The following RDH14 variants were observed in gnomAD, a reference collection of about 807,000 sequenced individuals.
The protein encoded by RDH14 is alcohol dehydrogenase PAN2.
RDH14 carries 17 observed loss-of-function variants against 19.3 expected under a neutral mutation model. The observed-to-expected ratio is 0.88, with a 90% confidence interval of 0.60 to 1.32. The LOEUF (loss-of-function observed/expected upper bound fraction) is 1.32, where lower values mean the gene tolerates loss of function less well. Ranked by LOEUF, RDH14 falls within the 40% of genes most tolerant of loss-of-function variation. The probability of loss-of-function intolerance (pLI) is 0.00; values close to 1 mark genes in which losing one functional copy is unlikely to be tolerated. For synonymous variants in RDH14, 215 were observed against 188.9 expected, an observed-to-expected ratio of 1.14 and a Z score of -1.13; for missense variants, 534 against 449.2, an observed-to-expected ratio of 1.19 and a Z score of -1.71.
chr2:18,560,493 G>T lies in RDH14; in HGVS notation c.80C>A (p.Pro27His), dbSNP rs527352838. The T allele has an allele frequency of 2.0e-6, 3 of 1,514,640 alleles. No homozygotes were observed. Among genetic ancestry groups the T allele is most frequent in the Non-Finnish European group, 2.6e-6 (3 of 1,139,452 alleles). 93.8% of individuals were successfully genotyped at this position (1,514,640 alleles called of 1,614,324 possible). The stretch of plus-strand genomic sequence containing the variant: ...GCCTCTGCGCAGCCGCTGGACCCTG[G>T]GCCCCACGAACCGGCGGGCCGCCAG... Reference protein sequence around the residue: ...LWLAARRFVGPRVQRLRRGGD... With the variant: ...LWLAARRFVGHRVQRLRRGGD... The change falls in exon 1 of 2, where the codon CCC becomes CAC. Residue 27 changes from proline to histidine, a missense_variant. Pro to His is a moderately conservative substitution (Grantham distance 77). Transcript: ENST00000381249.
Position 18,560,291 on chromosome 2 carries a change from G to C in RDH14, c.282C>G (p.Ala94=). The C allele has an allele frequency of 6.7e-7, 1 of 1,485,436 alleles. No individual in the cohort carries two copies. The highest frequency in any genetic ancestry group is 8.9e-7 in the Non-Finnish European group (1 of 1,126,562). 92.0% of individuals were successfully genotyped at this position (1,485,436 alleles called of 1,614,324 possible). The change falls in exon 1 of 2, where the codon GCC becomes GCG. Residue 94 remains alanine, a synonymous_variant. Coordinates refer to ENST00000381249, the MANE Select transcript of RDH14 (RefSeq NM_020905.4). ...CGCCAGGCTCTGGGCCGCACTCCGC[G>C]GCCTGGCGGAGCTCGCGGCGGAGCT... is the stretch of plus-strand genomic sequence containing the variant. ...AGQLRRELRQ[A]AECGPEPGVS... is the part of the protein sequence containing the mutation.
At chr2:18,557,593 GA>G (rs1173716425) in intron 1 of RDH14, among the ~76,000 whole-genome samples, 1 of 151,964 alleles carries the variant, frequency 6.6e-6, no homozygotes, top group East Asian at 1.9e-4. Flanking sequence ...AATTCTACGA[GA>G]TAAATGAAAT....
chr2:18,559,979 CAGTT>C (rs1256190774), intron 1 of RDH14, among the ~76,000 whole-genome samples, 197 bp downstream of exon 1: 5 of 152,164 alleles, frequency 3.3e-5, no homozygotes, highest in Non-Finnish European at 7.3e-5. Context: ...GCAGCCCTCC[CAGTT>C]AGTTTCTCTT....
chr2:18,555,172 G>C lies in RDH14; in HGVS notation c.*19C>G, dbSNP rs201282431. ...TAACTGATATGCAGTTTTATAAACAGCTCTTTTACTCCTTGTTCCTATTTT... is the reference window on the plus strand; with the variant it reads ...TAACTGATATGCAGTTTTATAAACACCTCTTTTACTCCTTGTTCCTATTTT... On this transcript the variant is annotated 3_prime_UTR_variant, in exon 2 of 2. Transcript: ENST00000381249. 1.6e-4 allele frequency: 263 copies of C among 1,606,184 alleles called. No individual in the cohort carries two copies. In the African/African-American group the frequency reaches 2.9e-3, roughly 18 times the overall value.
At position 18,560,587 on chromosome 2, in the gene RDH14, G is replaced by A. The variant is rs995284399; in HGVS notation, c.-15C>T. The A allele has an allele frequency of 3.5e-5, 49 of 1,415,886 alleles. No individual in the cohort carries two copies. The highest frequency in any genetic ancestry group is 6.4e-5 in the Admixed American group (2 of 31,182). 87.7% of individuals were successfully genotyped at this position (1,415,886 alleles called of 1,614,324 possible). A position where few individuals can be genotyped will look rare whatever the true frequency, so the allele number is the denominator to read the frequency against. Reference sequence around the variant, plus strand: ...GCCACTGCCATCGTCAGGCCCGAGGGCCCACCGGCCCCTCCACGGGAGTTC... The same window carrying A: ...GCCACTGCCATCGTCAGGCCCGAGGACCCACCGGCCCCTCCACGGGAGTTC... On this transcript the variant is annotated 5_prime_UTR_variant, in exon 1 of 2. Transcript: ENST00000381249.
rs1195551852 is a variant in RDH14 at position 18,555,786 on chromosome 2, A to C, written c.416T>G (p.Leu139Trp). 1.2e-6 allele frequency: 2 copies of C among 1,611,286 alleles called. No homozygotes were observed. The highest frequency in any genetic ancestry group is 1.3e-5 in the African/African-American group (1 of 74,886). Residue 139 changes from leucine to tryptophan, a missense_variant, in exon 2 of 2, where the codon TTG (leucine) becomes TGG (tryptophan). Transcript: ENST00000381249. Reference protein sequence around the residue: ...MLQEEPRLDVLINNAGIFQCP... With the variant: ...MLQEEPRLDVWINNAGIFQCP... ...CTGGAAGATCCCTGCGTTATTGATC[A>C]AGACATCCAGCCTAGGCTCTTCCTT...
Position 18,555,174 on chromosome 2 carries a change from T to G in RDH14, c.*17A>C. 6.2e-7 allele frequency: 1 copy of G among 1,607,392 alleles called. No individual in the cohort carries two copies. Among genetic ancestry groups the G allele is most frequent in the African/African-American group, 1.3e-5 (1 of 74,752 alleles). On this transcript the variant is annotated 3_prime_UTR_variant, in exon 2 of 2. Coordinates refer to ENST00000381249, the MANE Select transcript of RDH14 (RefSeq NM_020905.4). ...ACTGATATGCAGTTTTATAAACAGCTCTTTTACTCCTTGTTCCTATTTTAG... is the reference window on the plus strand; with the variant it reads ...ACTGATATGCAGTTTTATAAACAGCGCTTTTACTCCTTGTTCCTATTTTAG...
chr2:18,556,816 C>G (rs1663935893), intron 1 of RDH14, among the ~76,000 whole-genome samples: 1 of 152,166 alleles, frequency 6.6e-6, no homozygotes, highest in Admixed American at 6.5e-5. Context: ...ACACCAAGGG[C>G]AAACTTATGG....
At chr2:18,558,915 T>C (rs1264409974) in intron 1 of RDH14, among the ~76,000 whole-genome samples, 2 of 152,206 alleles carry the variant, frequency 1.3e-5, no homozygotes, top group Non-Finnish European at 2.9e-5. Flanking sequence ...ACCTTACATA[T>C]GTGATTGATG....
At chr2:18,559,069 T>A (rs1664004206) in intron 1 of RDH14, among the ~76,000 whole-genome samples, 1 of 152,212 alleles carries the variant, frequency 6.6e-6, no homozygotes, top group Non-Finnish European at 1.5e-5. Context: ...CTGGGAAATA[T>A]TTCTGGCCTA....
rs1663869835 is a variant in RDH14, at chr2:18,555,041, T to C, written c.*150A>G. ...TCTTATCCCAAAAATAATTTTTCAG[T>C]AACTCCAAAATACCCACATGTACCT... is the stretch of plus-strand genomic sequence containing the variant. On this transcript the variant is annotated 3_prime_UTR_variant, in exon 2 of 2. Coordinates refer to ENST00000381249, the MANE Select transcript of RDH14 (RefSeq NM_020905.4). The C allele has an allele frequency of 8.1e-7, 1 of 1,228,824 alleles. No homozygotes were observed. The allele number at this position is 1,228,824 out of a possible 1,614,324, so 76.1% of individuals were successfully genotyped here.
chr2:18,559,218 G>C (rs939493334), intron 1 of RDH14, among the ~76,000 whole-genome samples: 2 of 152,186 alleles, frequency 1.3e-5, no homozygotes, highest in South Asian at 2.1e-4. Context: ...CTGAATGCCA[G>C]TTATCCCTGC....
At chr2:18,558,657 T>G (rs1477391316) in intron 1 of RDH14, among the ~76,000 whole-genome samples, 4 of 152,246 alleles carry the variant, frequency 2.6e-5, no homozygotes, top group East Asian at 3.8e-4. Flanking sequence ...AAAGTCATCC[T>G]TCTGCTCACC....
chr2:18,559,766 CT>C (rs796337679), intron 1 of RDH14, among the ~76,000 whole-genome samples: 2 of 152,198 alleles, frequency 1.3e-5, no homozygotes, highest in African/African-American at 4.8e-5. Flanking sequence ...ATATGAGGTC[CT>C]TAGCTAGCAA....
rs1358559817 is a variant in RDH14 at position 18,555,224 on chromosome 2, A to T, written c.978T>A (p.Asp326Glu). Reference protein sequence around the residue: ...MDESVARKLWDISEVMVGLLK With the variant: ...MDESVARKLWEISEVMVGLLK The stretch of plus-strand genomic sequence containing the variant: ...GCAGGCCAACCATCACTTCACTGAT[A>T]TCCCAGAGTTTTCTTGCAACAGATT... Residue 326 changes from aspartate to glutamate, a missense_variant, in exon 2 of 2, where the codon GAT (aspartate) becomes GAA (glutamate). By Grantham distance (45) the Asp-to-Glu change is conservative. Coordinates refer to ENST00000381249, the MANE Select transcript of RDH14 (RefSeq NM_020905.4). 1 of 1,613,920 alleles carries T rather than the reference A, an allele frequency of 6.2e-7. No homozygotes were observed. Among genetic ancestry groups the T allele is most frequent in the African/African-American group, 1.3e-5 (1 of 74,922 alleles).
At chr2:18,558,556 C>A (rs1337395632) in intron 1 of RDH14, among the ~76,000 whole-genome samples, 2 of 152,180 alleles carry the variant, frequency 1.3e-5, no homozygotes, top group Non-Finnish European at 2.9e-5. Context: ...AAGATCTTTA[C>A]CCTAAAACAC....
Position 18,555,739 on chromosome 2 carries a change from C to T in RDH14, c.463G>A (p.Asp155Asn). 6.2e-7 allele frequency: 1 copy of T among 1,614,040 alleles called. No individual in the cohort carries two copies. The highest frequency in any genetic ancestry group is 1.1e-5 in the South Asian group (1 of 91,078). The change falls in exon 2 of 2, where the codon GAT (aspartate) becomes AAT (asparagine). Residue 155 changes from aspartate (D) to asparagine (N), a missense_variant. Physicochemically the swap from Asp to Asn is conservative, Grantham distance 23. Coordinates refer to ENST00000381249, the MANE Select transcript of RDH14 (RefSeq NM_020905.4). ...ACTCCGAACTGCATCTCAAACCCAT[C>T]TTCAGTCTTCATGTAAGGGCACTGG... ...IFQCPYMKTE[D>N]GFEMQFGVNH...
intron 1 of RDH14, among the ~76,000 whole-genome samples, chr2:18,559,815 G>T (rs1398875275): frequency 6.6e-6 from 1 of 152,074 alleles, no homozygotes. Flanking sequence ...GACACAGCTT[G>T]GTGCAAATTC....
chr2:18,559,333 GA>G (rs1326197886), intron 1 of RDH14, among the ~76,000 whole-genome samples: 3 of 152,196 alleles, frequency 2.0e-5, no homozygotes, highest in African/African-American at 7.2e-5. Context: ...GCAGCAGGAG[GA>G]AAGAACAAGG....
Sources: gnomAD v4.1 joint callset for allele counts (sites outside exome capture counted in the v4.1 genomes callset) on GRCh38, gnomAD v4.1.1 for gene constraint, MANE v1.5 for transcripts, NCBI Gene and HGNC (gene_info 2026-07-23, HGNC 2026-07-21) for gene names.